TDRD9: variants seen among roughly 807,000 people sequenced by gnomAD.
TDRD9 encodes the protein tudor domain containing 9.
Under a neutral mutation model 172.6 loss-of-function variants are expected in TDRD9, and 124 were observed. The ratio of observed to expected loss-of-function variants is 0.72; its 90% CI spans 0.62 to 0.83. The LOEUF (loss-of-function observed/expected upper bound fraction) is 0.83. Among genes scored for constraint, TDRD9 ranks in the 40% least tolerant of loss-of-function variants. The probability of loss-of-function intolerance (pLI) is 0.00; values close to 1 mark genes in which losing one functional copy is unlikely to be tolerated. For missense variants in TDRD9, 1,479 were observed against 1,714.1 expected (o/e 0.86, Z 2.42); for synonymous variants, 619 against 617.1 (o/e 1.00, Z -0.05).
chr14:104,027,273 C>T (rs184070596), intron 28 of TDRD9, among the ~76,000 whole-genome samples: 2 of 152,208 alleles, frequency 1.3e-5, no homozygotes, highest in African/African-American at 4.8e-5. Flanking sequence ...TGGTCTCAAA[C>T]TCCTGGGCTT....
intron 23 of TDRD9, among the ~76,000 whole-genome samples, chr14:104,021,435 C>G (rs1226544927): frequency 6.6e-6 from 1 of 152,218 alleles, no homozygotes; most frequent in Non-Finnish European, 1.5e-5. Flanking sequence ...TGGCTCAGTC[C>G]TGTAATCTCA....
chr14:103,954,616 G>A (rs1332820273), intron 1 of TDRD9, among the ~76,000 whole-genome samples: 2 of 152,112 alleles, frequency 1.3e-5, no homozygotes, highest in South Asian at 4.2e-4. Context: ...GTTTTGGTTA[G>A]TTTTTAGTTT....
At chr14:104,004,113 A>G (rs905981139) in intron 13 of TDRD9, 125 bp from the exon 14 acceptor site, 3 of 484,996 alleles carry the variant, frequency 6.2e-6, no homozygotes, top group Middle Eastern at 2.9e-4. Flanking sequence ...TTTTACTGAC[A>G]TAGTCTGGTG....
At chr14:103,944,519 T>C (rs1207196192) in intron 1 of TDRD9, among the ~76,000 whole-genome samples, 3 of 151,892 alleles carry the variant, frequency 2.0e-5, no homozygotes, top group South Asian at 2.1e-4. Context: ...GTTAAACTTA[T>C]AGAAAGACTG....
rs749908213 is a variant in TDRD9 at position 104,005,772 on chromosome 14, C to G, written c.1713+367C>G. Among the ~76,000 whole-genome samples the G allele has an allele frequency of 4.9e-4, 74 of 152,250 alleles. 1 individual carries two copies. The highest frequency in any genetic ancestry group is 3.4e-3 in the Middle Eastern group (1 of 294). ...GGGGCTGTGGACGTTCTGCTTCTGA[C>G]CTTCGAAGTTGAGGATGCTTCTGGT... is the stretch of plus-strand genomic sequence containing the variant. On this transcript the variant is annotated intron_variant, in intron 15 of 35. Coordinates refer to ENST00000409874, the MANE Select transcript of TDRD9 (RefSeq NM_153046.3).
At chr14:103,974,077 A>G (rs2033141648) in intron 6 of TDRD9, among the ~76,000 whole-genome samples, 1 of 152,140 alleles carries the variant, frequency 6.6e-6, no homozygotes, top group Non-Finnish European at 1.5e-5. Context: ...TGGTGCACAC[A>G]TGTAGTCCTA....
chr14:104,031,176 C>G lies in TDRD9; in HGVS notation c.3351C>G (p.Pro1117=). The G allele has an allele frequency of 6.4e-7, 1 of 1,551,686 alleles. No homozygotes were observed. The highest frequency in any genetic ancestry group is 8.7e-7 in the Non-Finnish European group (1 of 1,146,940). ...SVENMTDGSV[P]FPMKDDEKYL... ...AAAACATGACAGATGGCTCTGTGCC[C>G]TTTCCCATGAAAGACGACGAGAAAT... The change falls in exon 29 of 36, where the codon CCC becomes CCG. Residue 1117 remains proline, a synonymous_variant. Transcript: ENST00000409874.
intron 32 of TDRD9, among the ~76,000 whole-genome samples, chr14:104,035,954 A>G (rs773875509): frequency 5.9e-5 from 9 of 151,768 alleles, no homozygotes; most frequent in Non-Finnish European, 1.2e-4. Context: ...CTTGTTCAGA[A>G]TCTGACAGTG....
intron 6 of TDRD9, among the ~76,000 whole-genome samples, chr14:103,974,207 T>TA (rs1298860685): frequency 1.3e-5 from 2 of 152,044 alleles, no homozygotes; most frequent in Non-Finnish European, 2.9e-5. Context: ...GTCTCAAAAA[T>TA]AAAAAAGTTT....
chr14:103,928,567 G>A lies in TDRD9; in HGVS notation c.58G>A (p.Val20Met), dbSNP rs1421387664. The change falls in exon 1 of 36, where the codon GTG becomes ATG. Residue 20 changes from valine to methionine, a missense_variant. Val to Met is a conservative substitution (Grantham distance 21, BLOSUM62 1). This residue lies in a region of TDRD9 where 63 missense variants were observed against 48.4 expected (regional missense o/e 1.30). Transcript: ENST00000409874. The part of the protein sequence containing the change: ...INDWFTIGKT[V>M]TNVELLGAPP... ...CGACTGGTTCACCATCGGCAAGACG[G>A]TGACCAATGTGGAGCTGCTGGGCGC... 6 of 1,384,034 alleles carry A rather than the reference G, an allele frequency of 4.3e-6. No individual in the cohort carries two copies. In the East Asian group the frequency reaches 1.3e-4, roughly 30 times the overall value. The allele number at this position is 1,384,034 out of a possible 1,614,324, so 85.7% of individuals were successfully genotyped here.
chr14:104,025,847 C>T, intron 26 of TDRD9, 71 bp downstream of exon 26: 1 of 1,284,428 alleles, frequency 7.8e-7, no homozygotes, highest in African/African-American at 1.5e-5. Flanking sequence ...TATCAAATAT[C>T]TTTTATAATT....
Position 104,051,996 on chromosome 14 carries a change from G to A in TDRD9, c.4063G>A (p.Val1355Ile). The A allele has an allele frequency of 6.3e-7, 1 of 1,594,210 alleles. No homozygotes were observed. The highest frequency in any genetic ancestry group is 8.5e-7 in the Non-Finnish European group (1 of 1,170,134). ...YEWNQVDPKL[V>I]MEQADRESSR... ...ACCCCATTAGGTTGATCCAAAGCTG[G>A]TCATGGAGCAGGCCGACCGTGAGAG... Residue 1355 changes from valine (V) to isoleucine (I), a missense_variant, in exon 36 of 36, where the codon GTC becomes ATC. This residue lies in a region of TDRD9 where 1,413 missense variants were observed against 1,649.1 expected (regional missense o/e 0.86). Coordinates refer to ENST00000409874, the MANE Select transcript of TDRD9 (RefSeq NM_153046.3).
chr14:103,957,259 G>A (rs2032292649), intron 2 of TDRD9, among the ~76,000 whole-genome samples: 1 of 152,198 alleles, frequency 6.6e-6, no homozygotes, highest in Non-Finnish European at 1.5e-5. Flanking sequence ...GGTAAAAGCA[G>A]CCTTTGGTTG....
intron 12 of TDRD9, 107 bp downstream of exon 12, chr14:103,995,914 G>A (rs1171250484): frequency 2.0e-5 from 20 of 1,008,628 alleles, no homozygotes; most frequent in Admixed American, 3.1e-5. Flanking sequence ...ATCTCCTCCC[G>A]TTTTGGAACA....
intron 22 of TDRD9, 78 bp from the exon 23 acceptor site, chr14:104,018,014 G>A (rs1241479719): frequency 7.4e-6 from 6 of 815,362 alleles, no homozygotes; most frequent in African/African-American, 1.7e-5. Context: ...ACAGTGTGCA[G>A]CAGCTTTGAG....
chr14:104,021,954 CAT>C (rs1182832411), intron 23 of TDRD9, among the ~76,000 whole-genome samples: 1 of 152,152 alleles, frequency 6.6e-6, no homozygotes, highest in East Asian at 1.9e-4. Flanking sequence ...GGTTTAATGA[CAT>C]GTCATTATAA....
intron 5 of TDRD9, among the ~76,000 whole-genome samples, chr14:103,967,317 A>C (rs1181902651): frequency 2.1e-5 from 3 of 143,912 alleles, no homozygotes; most frequent in Non-Finnish European, 3.0e-5. Flanking sequence ...AACCTGGCCA[A>C]CATGGTGAAA....
intron 19 of TDRD9, among the ~76,000 whole-genome samples, chr14:104,007,941 C>A (rs1286199276): frequency 6.6e-6 from 1 of 152,050 alleles, no homozygotes; most frequent in African/African-American, 2.4e-5. Flanking sequence ...CCACACCCAG[C>A]TACTTTTTTT....
At chr14:104,020,686 TG>T (rs2034926831) in intron 23 of TDRD9, among the ~76,000 whole-genome samples, 1 of 152,144 alleles carries the variant, frequency 6.6e-6, no homozygotes, top group Non-Finnish European at 1.5e-5. Context: ...CCTCCCCTGC[TG>T]GGCGTCTTTC....
Sources: gnomAD v4.1 joint callset for allele counts (sites outside exome capture counted in the v4.1 genomes callset) on GRCh38, gnomAD v4.1.1 for gene constraint, gnomAD v4.1.1 regional missense constraint, MANE v1.5 for transcripts, NCBI Gene and HGNC (gene_info 2026-07-23, HGNC 2026-07-21) for gene names.